KLHL32: variants seen among roughly 807,000 people sequenced by gnomAD.
KLHL32 encodes the protein kelch like family member 32.
In KLHL32, 35 loss-of-function variants were observed where a neutral mutation model predicts 64.8. The observed-to-expected ratio is 0.54, with a 90% CI of 0.41 to 0.72. The LOEUF (loss-of-function observed/expected upper bound fraction) is 0.72. Among genes scored for constraint, KLHL32 ranks in the 30% least tolerant of loss-of-function variants. KLHL32 has a pLI of 0.00. For synonymous variants in KLHL32, 259 were observed against 281.0 expected, an observed-to-expected ratio of 0.92 and a Z score of 0.78; for missense variants, 589 against 768.5, an observed-to-expected ratio of 0.77 and a Z score of 2.76.
intron 4 of KLHL32, among the ~76,000 whole-genome samples, chr6:97,056,168 C>G (rs889430136): frequency 3.8e-4 from 54 of 143,922 alleles, no homozygotes; most frequent in Admixed American, 8.1e-4. Flanking sequence ...TGCAGTGGCA[C>G]GATCTCGGCT....
chr6:97,114,841 G>C (rs761704744), intron 7 of KLHL32, among the ~76,000 whole-genome samples: 4 of 152,074 alleles, frequency 2.6e-5, no homozygotes, highest in Non-Finnish European at 5.9e-5. Flanking sequence ...GTTTATCTAG[G>C]TCCTTTGCTT....
At chr6:96,980,437 G>T (rs1207708497) in intron 3 of KLHL32, among the ~76,000 whole-genome samples, 1 of 151,518 alleles carries the variant, frequency 6.6e-6, no homozygotes, top group African/African-American at 2.4e-5. Flanking sequence ...TTTTGTTTTT[G>T]GTTTTCTTTA....
rs375925484 is a variant in KLHL32 at position 97,043,353 on chromosome 6, A to G, written c.312+1754A>G. ...CTGTGCCTTGCTTATTTCACTTAAC[A>G]TAATGTCCTCAAAGTTCATCCATGT... On this transcript the variant is annotated intron_variant, in intron 4 of 10. Transcript: ENST00000369261. Among the ~76,000 whole-genome samples, 693 of 152,294 alleles carry G rather than the reference A, an allele frequency of 4.6e-3. 5 individuals are homozygous for G. The highest frequency in any genetic ancestry group is 0.016 in the African/African-American group (669 of 41,566).
intron 3 of KLHL32, among the ~76,000 whole-genome samples, chr6:97,027,909 A>G (rs995612797): frequency 6.6e-6 from 1 of 152,198 alleles, no homozygotes; most frequent in Non-Finnish European, 1.5e-5. Context: ...TTGAAAGGCT[A>G]TTAAGCAGAA....
intron 3 of KLHL32, among the ~76,000 whole-genome samples, chr6:97,030,320 G>A (rs1315070778): frequency 4.6e-5 from 7 of 152,218 alleles, no homozygotes; most frequent in Admixed American, 4.6e-4. Flanking sequence ...GTGTCTGCAT[G>A]ACAAGTAACA....
chr6:97,029,992 T>G (rs1304470976), intron 3 of KLHL32, among the ~76,000 whole-genome samples: 1 of 152,232 alleles, frequency 6.6e-6, no homozygotes, highest in Non-Finnish European at 1.5e-5. Flanking sequence ...AATGACTTCC[T>G]TAAACATGTC....
intron 1 of KLHL32, among the ~76,000 whole-genome samples, chr6:96,961,622 CCT>C (rs34915197): frequency 0.067 from 10,189 of 152,150 alleles, 415 homozygotes; most frequent in Middle Eastern, 0.14. Flanking sequence ...CTCAGATCTA[CCT>C]CTCTGAAAAT....
At chr6:97,107,353 A>G (rs1222327143) in intron 6 of KLHL32, among the ~76,000 whole-genome samples, 3 of 152,204 alleles carry the variant, frequency 2.0e-5, no homozygotes, top group Non-Finnish European at 4.4e-5. Flanking sequence ...CCTTGAAATA[A>G]TTATTGATGG....
chr6:97,058,338 C>G (rs1225208420), intron 4 of KLHL32, among the ~76,000 whole-genome samples: 1 of 152,156 alleles, frequency 6.6e-6, no homozygotes, highest in African/African-American at 2.4e-5. Flanking sequence ...GAAGAACTGA[C>G]ATCTTGACAA....
intron 2 of KLHL32, among the ~76,000 whole-genome samples, chr6:96,968,074 T>G (rs1425115895): frequency 6.6e-6 from 1 of 152,204 alleles, no homozygotes; most frequent in Non-Finnish European, 1.5e-5. Context: ...TGAGACCAGC[T>G]TCTTTCCATG....
At chr6:97,086,997 G>A (rs1793519219) in intron 6 of KLHL32, among the ~76,000 whole-genome samples, 1 of 152,184 alleles carries the variant, frequency 6.6e-6, no homozygotes, top group South Asian at 2.1e-4. Flanking sequence ...GTGGTAATGT[G>A]CAGATGGCTG....
intron 5 of KLHL32, among the ~76,000 whole-genome samples, chr6:97,069,098 G>C (rs1157929234): frequency 1.3e-5 from 2 of 152,124 alleles, no homozygotes; most frequent in African/African-American, 4.8e-5. Context: ...TCAGATTGAA[G>C]GCATTGTTCT....
At chr6:96,914,271 T>G in the KLHL32 span, among the ~76,000 whole-genome samples, 1 of 152,120 alleles carries the variant, frequency 6.6e-6, no homozygotes, top group Admixed American at 6.5e-5. Flanking sequence ...AATACATTTG[T>G]ATTTGTCTTG....
chr6:97,042,123 A>T (rs1194821446), intron 4 of KLHL32, among the ~76,000 whole-genome samples: 1 of 152,244 alleles, frequency 6.6e-6, no homozygotes, highest in Non-Finnish European at 1.5e-5. Context: ...ACATCAGAGG[A>T]TATCCATTTA....
Position 97,042,421 on chromosome 6 carries a change from A to G in KLHL32, c.312+822A>G, listed in dbSNP as rs184557088. Among the ~76,000 whole-genome samples the G allele has an allele frequency of 4.1e-4, 63 of 152,318 alleles. 1 individual carries two copies. Among genetic ancestry groups the G allele is most frequent in the Admixed American group, 3.7e-3 (56 of 15,292 alleles). ...TGTGGCTATCAGTACACAATTTTAC[A>G]GATAGGGTGGTATTTGTGTCTTGAA... On this transcript the variant is annotated intron_variant, in intron 4 of 10. Transcript: ENST00000369261.
intron 3 of KLHL32, among the ~76,000 whole-genome samples, chr6:96,989,390 G>A (rs527302993): frequency 7.9e-5 from 12 of 152,264 alleles, no homozygotes; most frequent in African/African-American, 2.9e-4. Flanking sequence ...TTTCTTGGAT[G>A]GAATTTTTTT....
At chr6:97,067,818 C>G (rs1340983696) in intron 5 of KLHL32, among the ~76,000 whole-genome samples, 2 of 152,312 alleles carry the variant, frequency 1.3e-5, no homozygotes, top group South Asian at 2.1e-4. Context: ...CAGGCCTGTT[C>G]CTCCCTGGCT....
rs1554200076 is a variant in KLHL32 at position 96,924,830 on chromosome 6, C to CACACACAT, written c.-256_-255insATACACAC. 2 of 151,146 alleles carry CACACACAT rather than the reference C, an allele frequency of 1.3e-5. No individual in the cohort carries two copies. The highest frequency in any genetic ancestry group is 2.9e-5 in the Non-Finnish European group (2 of 68,468). The allele number at this position is 151,146 out of a possible 1,614,324, so 9.4% of individuals were successfully genotyped here. Reference sequence around the variant, plus strand: ...ACACACACACACACACACACACACACACACACTTTCGCACACACAAACACG... The same window carrying CACACACAT: ...ACACACACACACACACACACACACACACACACATACACACTTTCGCACACACAAACACG... On this transcript the variant is annotated 5_prime_UTR_variant, in exon 1 of 11. Transcript: ENST00000369261.
intron 6 of KLHL32, among the ~76,000 whole-genome samples, chr6:97,085,989 C>T (rs1325154820): frequency 6.6e-6 from 1 of 152,186 alleles, no homozygotes; most frequent in African/African-American, 2.4e-5. Context: ...TCCTCTTCTG[C>T]TCATCCCCAG....
Sources: allele counts gnomAD v4.1 joint callset (sites outside exome capture counted in the v4.1 genomes callset), GRCh38; gene constraint gnomAD v4.1.1; transcripts MANE v1.5; gene names NCBI Gene and HGNC (gene_info 2026-07-23, HGNC 2026-07-21).